Variants in ZDHHC3 observed in about 807,000 individuals in gnomAD.
ZDHHC3 encodes the protein palmitoyltransferase ZDHHC3.
A neutral mutation model predicts 30.6 loss-of-function variants in ZDHHC3; 9 were observed. The observed-to-expected ratio is 0.29, with a 90% CI of 0.18 to 0.51. ZDHHC3 has a LOEUF of 0.51. ZDHHC3 is among the 20% of genes least tolerant of loss of function. The pLI, the probability that ZDHHC3 is intolerant of heterozygous loss-of-function variation, is 0.97. For missense variants in ZDHHC3, 246 were observed against 384.2 expected, an observed-to-expected ratio of 0.64 and a Z score of 3.01; for synonymous variants, 136 against 140.2, an observed-to-expected ratio of 0.97 and a Z score of 0.21.
Position 44,964,329 on chromosome 3 carries a change from A to G in ZDHHC3, c.-24-4869T>C, listed in dbSNP as rs140501043. ...GGGCTCTGAGCAGCACCTGGAGCCAAGTGAAGCATACTGCTTACAAAAAGG... is the reference window on the plus strand; with the variant it reads ...GGGCTCTGAGCAGCACCTGGAGCCAGGTGAAGCATACTGCTTACAAAAAGG... On this transcript the variant is annotated intron_variant, in intron 1 of 6. Coordinates refer to ENST00000424952, the MANE Select transcript of ZDHHC3 (RefSeq NM_001135179.2). 7.6e-4 allele frequency among the ~76,000 whole-genome samples: 116 copies of G among 152,352 alleles called. 5 individuals carry two copies. In the East Asian group the frequency reaches 0.014, roughly 19 times the overall value.
In ZDHHC3 at chr3:44,919,101, A is replaced by C; in HGVS notation, c.*7588T>G. 1 of 985,234 alleles carries C rather than the reference A, an allele frequency of 1.0e-6. No individual in the cohort carries two copies. Among genetic ancestry groups the C allele is most frequent in the Non-Finnish European group, 1.2e-6 (1 of 829,762 alleles). The allele number at this position is 985,234 out of a possible 1,614,324, so 61.0% of individuals were successfully genotyped here. On this transcript the variant is annotated 3_prime_UTR_variant, in exon 7 of 7. Transcript: ENST00000424952. ...ATTTAAGATTCTTGACTTTTGAATA[A>C]ATTCTAAGTTAAAAAAATTGGATCT... is the stretch of plus-strand genomic sequence containing the variant.
intron 5 of ZDHHC3, among the ~76,000 whole-genome samples, chr3:44,930,950 T>C (rs996803281): frequency 1.3e-5 from 2 of 152,182 alleles, no homozygotes; most frequent in Admixed American, 6.5e-5. Flanking sequence ...GAGCTCTAAC[T>C]ACAAGGCCCA....
At chr3:44,954,878 T>C (rs960811582) in intron 2 of ZDHHC3, among the ~76,000 whole-genome samples, 1 of 151,976 alleles carries the variant, frequency 6.6e-6, no homozygotes, top group Non-Finnish European at 1.5e-5. Context: ...AAAGAAAAGG[T>C]GGTGAAACCA....
At chr3:44,973,675 C>T (rs1450697830) in intron 1 of ZDHHC3, among the ~76,000 whole-genome samples, 1 of 152,142 alleles carries the variant, frequency 6.6e-6, no homozygotes, top group Non-Finnish European at 1.5e-5. Context: ...TCAGGCTGGT[C>T]TCAAACTCCC....
At chr3:44,933,406 G>C in intron 4 of ZDHHC3, 1 of 605,572 alleles carries the variant, frequency 1.7e-6, no homozygotes, top group South Asian at 2.0e-5. Context: ...ACCTCCGGGA[G>C]TACGTGGAAC....
intron 1 of ZDHHC3, among the ~76,000 whole-genome samples, chr3:44,974,275 C>T (rs1705683844): frequency 6.6e-6 from 1 of 152,160 alleles, no homozygotes; most frequent in African/African-American, 2.4e-5. Flanking sequence ...GGGGACAGTT[C>T]AAATACATGT....
intron 2 of ZDHHC3, among the ~76,000 whole-genome samples, chr3:44,957,688 T>C (rs541656950): frequency 1.3e-5 from 2 of 152,324 alleles, no homozygotes; most frequent in Non-Finnish European, 2.9e-5. Flanking sequence ...GGAGAAGAGC[T>C]GGCTTGGGCA....
rs551570794 is a variant in ZDHHC3 at position 44,925,804 on chromosome 3, T to A, written c.*885A>T. 2 of 985,854 alleles carry A rather than the reference T, an allele frequency of 2.0e-6. No homozygotes were observed. Among genetic ancestry groups the A allele is most frequent in the Admixed American group, 1.2e-4 (2 of 16,282 alleles). The allele number at this position is 985,854 out of a possible 1,614,324, so 61.1% of individuals were successfully genotyped here. On this transcript the variant is annotated 3_prime_UTR_variant, in exon 7 of 7. Transcript: ENST00000424952. ...TGTATGTGTTGGGCACTGGTGCCTA[T>A]TGCAGTCAGAATTCACACTGCTTAA...
intron 2 of ZDHHC3, chr3:44,958,588 C>G (rs1049480565): frequency 3.9e-6 from 6 of 1,535,982 alleles, no homozygotes; most frequent in Non-Finnish European, 5.2e-6. Flanking sequence ...AGATATTCAC[C>G]AAGAGGCACT....
In ZDHHC3 at chr3:44,922,944, C is replaced by G. The variant is rs1282388891; in HGVS notation, c.*3745G>C. 5 of 985,138 alleles carry G rather than the reference C, an allele frequency of 5.1e-6. No individual in the cohort carries two copies. Among genetic ancestry groups the G allele is most frequent in the East Asian group, 1.1e-4 (1 of 8,812 alleles). The allele number at this position is 985,138 out of a possible 1,614,324, so 61.0% of individuals were successfully genotyped here. A position where few individuals can be genotyped will look rare whatever the true frequency, so the allele number is the denominator to read the frequency against. Reference sequence around the variant, plus strand: ...CCTTCCCCTCTACTGGCTGGCTCACCCTTTAAGCTGATGCACTGCAAGTCT... The same window carrying G: ...CCTTCCCCTCTACTGGCTGGCTCACGCTTTAAGCTGATGCACTGCAAGTCT... On this transcript the variant is annotated 3_prime_UTR_variant, in exon 7 of 7. Transcript: ENST00000424952.
chr3:44,940,952 ATGG>A (rs1702392169), intron 3 of ZDHHC3, among the ~76,000 whole-genome samples: 1 of 152,084 alleles, frequency 6.6e-6, no homozygotes, highest in African/African-American at 2.4e-5. Context: ...AAACTATATC[ATGG>A]TGGAGAAGTG....
intron 1 of ZDHHC3, among the ~76,000 whole-genome samples, chr3:44,971,774 T>C (rs1705426470): frequency 6.6e-6 from 1 of 152,234 alleles, no homozygotes. Flanking sequence ...CATGTATTAC[T>C]AGCAATTTTT....
chr3:44,949,725 T>A (rs571963707), intron 2 of ZDHHC3, among the ~76,000 whole-genome samples: 2 of 152,064 alleles, frequency 1.3e-5, no homozygotes, highest in African/African-American at 4.8e-5. Context: ...TTCATGAAGG[T>A]GAGGCAGGGC....
At chr3:44,968,142 C>T (rs942343177) in intron 1 of ZDHHC3, among the ~76,000 whole-genome samples, 3 of 151,668 alleles carry the variant, frequency 2.0e-5, no homozygotes, top group Non-Finnish European at 2.9e-5. Context: ...TTTTTTTTTC[C>T]ACCCAAAGTT....
chr3:44,959,600 A>T lies in ZDHHC3; in HGVS notation c.-24-140T>A. The T allele has an allele frequency of 1.5e-6, 1 of 676,406 alleles. No individual in the cohort carries two copies. The highest frequency in any genetic ancestry group is 2.5e-6 in the Non-Finnish European group (1 of 405,086). The allele number at this position is 676,406 out of a possible 1,614,324, so 41.9% of individuals were successfully genotyped here. A position where few individuals can be genotyped will look rare whatever the true frequency, so the allele number is the denominator to read the frequency against. On this transcript the variant is annotated intron_variant, in intron 1 of 6. Transcript: ENST00000424952. This position sits in a 1 kb window ranked among gnomAD's most constrained non-coding sequence, Gnocchi z 4.3. ...AGCCACCTAATCACCTTGTTCATTT[A>T]AAACATGAGTTCTCTTCCCTGATTC...
rs114594473 is a variant in ZDHHC3, at chr3:44,922,914, G to A, written c.*3775C>T. 4,539 of 985,142 alleles carry A rather than the reference G, an allele frequency of 4.6e-3. 16 individuals carry two copies. Among genetic ancestry groups the A allele is most frequent in the Middle Eastern group, 0.015 (29 of 1,914 alleles). 61.0% of individuals were successfully genotyped at this position (985,142 alleles called of 1,614,324 possible). A position where few individuals can be genotyped will look rare whatever the true frequency, so the allele number is the denominator to read the frequency against. The stretch of plus-strand genomic sequence containing the variant: ...GATATCTAAGGGCACCTTCTAGGTG[G>A]GGCGCCTTCCCCTCTACTGGCTGGC... On this transcript the variant is annotated 3_prime_UTR_variant, in exon 7 of 7. Coordinates refer to ENST00000424952, the MANE Select transcript of ZDHHC3 (RefSeq NM_001135179.2).
In ZDHHC3 at chr3:44,922,406, G is replaced by A. The variant is rs1020206314; in HGVS notation, c.*4283C>T. Reference sequence around the variant, plus strand: ...TGGTCTAGAGATGGGTTCCACTGATGAGATGCACAAGGAGTGGTGGGCAGG... The same window carrying A: ...TGGTCTAGAGATGGGTTCCACTGATAAGATGCACAAGGAGTGGTGGGCAGG... On this transcript the variant is annotated 3_prime_UTR_variant, in exon 7 of 7. Coordinates refer to ENST00000424952, the MANE Select transcript of ZDHHC3 (RefSeq NM_001135179.2). The A allele has an allele frequency of 1.0e-6, 1 of 985,320 alleles. No individual in the cohort carries two copies. The highest frequency in any genetic ancestry group is 1.2e-6 in the Non-Finnish European group (1 of 829,944). The allele number at this position is 985,320 out of a possible 1,614,324, so 61.0% of individuals were successfully genotyped here. A position where few individuals can be genotyped will look rare whatever the true frequency, so the allele number is the denominator to read the frequency against.
rs1225561300 is a variant in ZDHHC3, at chr3:44,919,802, G to C, written c.*6887C>G. On this transcript the variant is annotated 3_prime_UTR_variant, in exon 7 of 7. Coordinates refer to ENST00000424952, the MANE Select transcript of ZDHHC3 (RefSeq NM_001135179.2). Reference sequence around the variant, plus strand: ...ACTGAAAGGTACATGGGAACTCTTTGTACTGTTTTTGTCACATTTTTGTAA... The same window carrying C: ...ACTGAAAGGTACATGGGAACTCTTTCTACTGTTTTTGTCACATTTTTGTAA... 9 of 853,806 alleles carry C rather than the reference G, an allele frequency of 1.1e-5. No homozygotes were observed. The highest frequency in any genetic ancestry group is 1.1e-5 in the Non-Finnish European group (8 of 710,058). 52.9% of individuals were successfully genotyped at this position (853,806 alleles called of 1,614,324 possible).
chr3:44,969,888 C>G (rs557985339), intron 1 of ZDHHC3: 62 of 152,122 alleles, frequency 4.1e-4, no homozygotes, highest in African/African-American at 1.4e-3. Flanking sequence ...CAGAATGCTG[C>G]TTTTTGTGAG....
Sources: gnomAD v4.1 joint callset for allele counts (sites outside exome capture counted in the v4.1 genomes callset) on GRCh38, gnomAD v4.1.1 for gene constraint, Gnocchi (gnomAD v3.1) non-coding constraint, MANE v1.5 for transcripts, NCBI Gene and HGNC (gene_info 2026-07-23, HGNC 2026-07-21) for gene names.